The following SLC26A9 variants were observed in gnomAD, a reference collection of about 807,000 sequenced individuals.
SLC26A9 encodes the protein anion transporter/exchanger protein 9.
SLC26A9 carries 46 observed loss-of-function variants against 87.1 expected under a neutral mutation model. That is an observed-to-expected ratio of 0.53 (90% CI 0.42 to 0.67). SLC26A9 has a LOEUF of 0.67. SLC26A9 is among the 30% of genes least tolerant of loss of function. SLC26A9 has a pLI of 0.00. For missense variants in SLC26A9, 927 were observed against 1,018.3 expected, an observed-to-expected ratio of 0.91 and a Z score of 1.22; for synonymous variants, 437 against 409.1, an observed-to-expected ratio of 1.07 and a Z score of -0.82.
chr1:205,936,502 C>A (rs1486069671), intron 1 of SLC26A9, among the ~76,000 whole-genome samples: 1 of 152,154 alleles, frequency 6.6e-6, no homozygotes, highest in Non-Finnish European at 1.5e-5. Flanking sequence ...CGCTCCTCTC[C>A]TCCTCACTTT....
chr1:205,916,831 G>A (rs940361925), intron 20 of SLC26A9, among the ~76,000 whole-genome samples: 25 of 152,280 alleles, frequency 1.6e-4, no homozygotes, highest in African/African-American at 4.1e-4. Flanking sequence ...GCCAGGCATC[G>A]TGGCTTATGC....
chr1:205,940,114 G>A (rs1659677346), intron 1 of SLC26A9, among the ~76,000 whole-genome samples: 1 of 152,216 alleles, frequency 6.6e-6, no homozygotes, highest in Non-Finnish European at 1.5e-5. Context: ...TGAGCCAGGA[G>A]AGCAGAGGGC....
At position 205,924,489 on chromosome 1, in the gene SLC26A9, A is replaced by T. The variant is rs770297931; in HGVS notation, c.1390T>A (p.Cys464Ser). 1.9e-6 allele frequency: 3 copies of T among 1,614,096 alleles called. No homozygotes were observed. Among genetic ancestry groups the T allele is most frequent in the Admixed American group, 1.7e-5 (1 of 60,022 alleles). Reference sequence around the variant, plus strand: ...GAGAGGAAGCTCACTACCCAGATGCACTGTGAAAAGAGAGATGTCAAAAGC... The same window carrying T: ...GAGAGGAAGCTCACTACCCAGATGCTCTGTGAAAAGAGAGATGTCAAAAGC... ...YLWRKSKLDCCIWVVSFLSSF... is the reference protein window; with the variant it reads ...YLWRKSKLDCSIWVVSFLSSF... Residue 464 changes from cysteine to serine, a missense_variant and splice_region_variant, in exon 13 of 21, where the codon TGC becomes AGC. Transcript: ENST00000367135.
At chr1:205,931,017 C>T (rs1035162753) in intron 5 of SLC26A9, among the ~76,000 whole-genome samples, 149 of 152,168 alleles carry the variant, frequency 9.8e-4, no homozygotes, top group Non-Finnish European at 1.8e-4. Context: ...CTTTGTATCC[C>T]AGGGTTTAGC....
chr1:205,927,007 A>G (rs1165110260), intron 11 of SLC26A9, among the ~76,000 whole-genome samples: 2 of 152,210 alleles, frequency 1.3e-5, no homozygotes, highest in Non-Finnish European at 2.9e-5. Flanking sequence ...CTCACTATGG[A>G]CAAGGTTACT....
intron 16 of SLC26A9, among the ~76,000 whole-genome samples, chr1:205,922,125 C>T (rs1387490856): frequency 2.6e-5 from 4 of 152,188 alleles, no homozygotes; most frequent in African/African-American, 9.7e-5. Context: ...GAGAAAGCCC[C>T]TCCGGGGACA....
In SLC26A9 at chr1:205,913,524, G is replaced by A. The variant is rs1045718150; in HGVS notation, c.*1833C>T. 1 of 152,628 alleles carries A rather than the reference G, an allele frequency of 6.6e-6. No individual in the cohort carries two copies. The highest frequency in any genetic ancestry group is 2.4e-5 in the African/African-American group (1 of 41,440). 9.5% of individuals were successfully genotyped at this position (152,628 alleles called of 1,614,324 possible). On this transcript the variant is annotated 3_prime_UTR_variant, in exon 21 of 21. Transcript: ENST00000367135. The stretch of plus-strand genomic sequence containing the variant: ...AGGGGATCTAGATACTTGGTTCAAA[G>A]GGGACTCTGACTTGGAAATTCCTGA...
At position 205,924,004 on chromosome 1, in the gene SLC26A9, A is replaced by C. The variant is rs190835731; in HGVS notation, c.1496+379T>G. Among the ~76,000 whole-genome samples the C allele has an allele frequency of 1.5e-3, 223 of 152,124 alleles. 2 individuals are homozygous for C. The South Asian group carries it at 0.015, about 10-fold the overall frequency. ...CTGTAATACTCCCAGTGTGTAGAAC[A>C]CAGCTTCTGTCTTCCACCCTGGCGC... On this transcript the variant is annotated intron_variant, in intron 13 of 20. Coordinates refer to ENST00000367135, the MANE Select transcript of SLC26A9 (RefSeq NM_052934.4).
intron 5 of SLC26A9, among the ~76,000 whole-genome samples, chr1:205,931,598 G>A (rs1235622700): frequency 6.6e-6 from 1 of 151,376 alleles, no homozygotes; most frequent in Non-Finnish European, 1.5e-5. Flanking sequence ...TCCTGAGTAG[G>A]TGGGACTACA....
intron 1 of SLC26A9, among the ~76,000 whole-genome samples, chr1:205,938,472 G>A (rs1659608941): frequency 2.0e-5 from 3 of 152,126 alleles, no homozygotes; most frequent in South Asian, 2.1e-4. Context: ...CCAGGAGGAT[G>A]AGGCCCAAAC....
chr1:205,924,255 A>G, intron 13 of SLC26A9, 128 bp downstream of exon 13: 3 of 819,144 alleles, frequency 3.7e-6, no homozygotes, highest in Non-Finnish European at 5.8e-6. Flanking sequence ...TGGGCCTGGC[A>G]GCACCTCCAG....
rs1659239879 is a variant in SLC26A9 at position 205,929,966 on chromosome 1, T to C, written c.643A>G (p.Ile215Val). The part of the protein sequence containing the change: ...RGFMTAAGLQ[I>V]LISVLKYIFG... Reference sequence around the variant, plus strand: ...ATGTACTTGAGCACCGAAATCAGGATCTGCAGGCCGGCGGCCGTCATGAAG... The same window carrying C: ...ATGTACTTGAGCACCGAAATCAGGACCTGCAGGCCGGCGGCCGTCATGAAG... The change falls in exon 6 of 21, where the codon ATC becomes GTC. Residue 215 changes from isoleucine to valine, a missense_variant. Physicochemically the swap from Ile to Val is conservative, Grantham distance 29. Coordinates refer to ENST00000367135, the MANE Select transcript of SLC26A9 (RefSeq NM_052934.4). The C allele has an allele frequency of 1.2e-6, 2 of 1,613,948 alleles. No homozygotes were observed. Among genetic ancestry groups the C allele is most frequent in the East Asian group, 4.5e-5 (2 of 44,882 alleles).
chr1:205,921,831 T>G lies in SLC26A9; in HGVS notation c.1790A>C (p.Glu597Ala). ...FMKTKTVSLQ[E>A]LQQDFENAPP... ...CGCATTCTCAAAGTCCTGCTGCAGC[T>G]CCTGCAGGGAGACAGTCTGGAAGGG... is the stretch of plus-strand genomic sequence containing the variant. The change falls in exon 17 of 21, where the codon GAG becomes GCG. Residue 597 changes from glutamate to alanine, a missense_variant. By Grantham distance (107) the Glu-to-Ala change is moderately radical. Coordinates refer to ENST00000367135, the MANE Select transcript of SLC26A9 (RefSeq NM_052934.4). 6.2e-7 allele frequency: 1 copy of G among 1,606,570 alleles called. No individual in the cohort carries two copies. The highest frequency in any genetic ancestry group is 8.5e-7 in the Non-Finnish European group (1 of 1,177,762).
intron 13 of SLC26A9, among the ~76,000 whole-genome samples, chr1:205,923,955 C>T (rs973234690): frequency 1.1e-4 from 17 of 152,158 alleles, no homozygotes; most frequent in Non-Finnish European, 2.5e-4. Flanking sequence ...CAGCGTACTC[C>T]CTGCCTGGGC....
chr1:205,917,259 T>C, intron 20 of SLC26A9, 24 bp downstream of exon 20: 1 of 1,613,704 alleles, frequency 6.2e-7, no homozygotes, highest in South Asian at 1.1e-5. Flanking sequence ...GCTCCCACCC[T>C]CACAGCCCCT....
chr1:205,927,952 T>C lies in SLC26A9; in HGVS notation c.1051A>G (p.Met351Val). 2 of 1,614,200 alleles carry C rather than the reference T, an allele frequency of 1.2e-6. No homozygotes were observed. The highest frequency in any genetic ancestry group is 1.3e-5 in the African/African-American group (1 of 75,068). ...AIVSYVINLAMGRTLANKHGY... is the reference protein window; with the variant it reads ...AIVSYVINLAVGRTLANKHGY... ...TGCTTGTTGGCCAGGGTCCGGCCCA[T>C]AGCCAGGTTGATGACGTAGCTCACG... The change falls in exon 9 of 21, where the codon ATG (methionine) becomes GTG (valine). Residue 351 changes from methionine to valine, a missense_variant. Coordinates refer to ENST00000367135, the MANE Select transcript of SLC26A9 (RefSeq NM_052934.4).
intron 10 of SLC26A9, 73 bp from the exon 11 acceptor site, chr1:205,927,361 C>A: frequency 1.9e-6 from 3 of 1,576,458 alleles, no homozygotes; most frequent in Non-Finnish European, 2.6e-6. Flanking sequence ...CAATCCATGG[C>A]TTTGGTGGAG....
intron 7 of SLC26A9, 140 bp downstream of exon 7, chr1:205,929,064 C>T: frequency 2.7e-6 from 4 of 1,459,494 alleles, no homozygotes; most frequent in Non-Finnish European, 2.8e-6. Context: ...GGAAACGCCA[C>T]ATACGGGGGA....
Position 205,914,826 on chromosome 1 carries a change from A to C in SLC26A9, c.*531T>G, listed in dbSNP as rs560467144. Reference sequence around the variant, plus strand: ...TGGAGAGCACATGGTCCCTGGGTGCAGAGCTGCCAGAGACAGAGTTGAGGC... The same window carrying C: ...TGGAGAGCACATGGTCCCTGGGTGCCGAGCTGCCAGAGACAGAGTTGAGGC... On this transcript the variant is annotated 3_prime_UTR_variant, in exon 21 of 21. Coordinates refer to ENST00000367135, the MANE Select transcript of SLC26A9 (RefSeq NM_052934.4). 8 of 1,547,882 alleles carry C rather than the reference A, an allele frequency of 5.2e-6. No individual in the cohort carries two copies. The highest frequency in any genetic ancestry group is 7.0e-6 in the Non-Finnish European group (8 of 1,140,356).
Sources: allele counts gnomAD v4.1 joint callset (sites outside exome capture counted in the v4.1 genomes callset), GRCh38; gene constraint gnomAD v4.1.1; transcripts MANE v1.5; gene names NCBI Gene and HGNC (gene_info 2026-07-23, HGNC 2026-07-21).